PTK2: variants seen among roughly 807,000 people sequenced by gnomAD.
PTK2 encodes the protein protein tyrosine kinase 2, also known as focal adhesion kinase 1.
Under a neutral mutation model 150.1 loss-of-function variants are expected in PTK2, and 45 were observed. The observed-to-expected ratio is 0.30, with a 90% CI of 0.24 to 0.38. The LOEUF (loss-of-function observed/expected upper bound fraction) is 0.38. PTK2 is among the 10% of genes least tolerant of loss of function. PTK2 has a pLI of 1.00. For missense variants in PTK2, 919 were observed against 1,307.3 expected (o/e 0.70, Z 4.58); for synonymous variants, 432 against 449.2 (o/e 0.96, Z 0.48).
chr8:140,716,533 T>TCTG (rs1211151780), intron 23 of PTK2, among the ~76,000 whole-genome samples: 1 of 152,216 alleles, frequency 6.6e-6, no homozygotes, highest in East Asian at 1.9e-4. Flanking sequence ...TGAGGCACCC[T>TCTG]CTGTCTCTAA....
chr8:140,981,752 C>T (rs2100191515), intron 1 of PTK2, among the ~76,000 whole-genome samples: 2 of 152,150 alleles, frequency 1.3e-5, no homozygotes, highest in South Asian at 4.1e-4. Context: ...CACTGTACAG[C>T]AGAGCTGAGT....
intron 1 of PTK2, among the ~76,000 whole-genome samples, chr8:140,983,658 T>TGAAG (rs746413640): frequency 1.5e-4 from 19 of 124,156 alleles, no homozygotes; most frequent in Non-Finnish European, 1.9e-4. Context: ...GAGAGGGAAG[T>TGAAG]GAAGGAAGGA....
chr8:140,813,419 A>G (rs1336976540), intron 10 of PTK2, among the ~76,000 whole-genome samples: 1 of 151,894 alleles, frequency 6.6e-6, no homozygotes, highest in Non-Finnish European at 1.5e-5. Context: ...CAGCAAATGC[A>G]AAAGAACTGA....
chr8:140,819,848 T>C (rs750901174), intron 8 of PTK2, among the ~76,000 whole-genome samples: 1 of 152,028 alleles, frequency 6.6e-6, no homozygotes, highest in Non-Finnish European at 1.5e-5. Context: ...GTTTTCTACT[T>C]AAACACATGG....
At chr8:140,681,606 T>C (rs1010821065) in intron 27 of PTK2, among the ~76,000 whole-genome samples, 2 of 151,732 alleles carry the variant, frequency 1.3e-5, no homozygotes, top group East Asian at 3.9e-4. Context: ...TGAAACACCG[T>C]CTCTACTAAA....
chr8:140,984,058 G>A (rs984033160), intron 1 of PTK2: 12 of 154,504 alleles, frequency 7.8e-5, no homozygotes, highest in Non-Finnish European at 1.6e-4. Flanking sequence ...GGGAGGCTGA[G>A]GCAGGGCAAT....
At chr8:140,842,559 C>T (rs938619109) in intron 7 of PTK2, among the ~76,000 whole-genome samples, 5 of 152,006 alleles carry the variant, frequency 3.3e-5, no homozygotes, top group African/African-American at 9.7e-5. Flanking sequence ...TGGAAACAGA[C>T]ACCAAGAGCT....
chr8:140,912,715 C>T (rs1014059732), intron 2 of PTK2, among the ~76,000 whole-genome samples: 2 of 152,080 alleles, frequency 1.3e-5, no homozygotes, highest in African/African-American at 4.8e-5. Flanking sequence ...AACCCCAACA[C>T]TTTGGGAGGC....
intron 2 of PTK2, among the ~76,000 whole-genome samples, chr8:140,917,240 A>T (rs1278741456): frequency 1.3e-5 from 2 of 152,010 alleles, no homozygotes; most frequent in African/African-American, 4.8e-5. Context: ...AAAATACAAC[A>T]ATTAGCCAGG....
chr8:140,961,609 C>T (rs909669915), intron 1 of PTK2, among the ~76,000 whole-genome samples: 1 of 151,626 alleles, frequency 6.6e-6, no homozygotes, highest in Admixed American at 6.6e-5. Flanking sequence ...TTGCAGTGAG[C>T]CAAGGTCGCG....
chr8:140,786,466 A>G (rs1455171008), intron 14 of PTK2, among the ~76,000 whole-genome samples: 1 of 152,168 alleles, frequency 6.6e-6, no homozygotes, highest in East Asian at 1.9e-4. Context: ...TGTCCCTAGA[A>G]ATGTGAATTA....
At chr8:140,762,772 G>A (rs553983408) in intron 15 of PTK2, among the ~76,000 whole-genome samples, 2 of 148,622 alleles carry the variant, frequency 1.3e-5, no homozygotes, top group East Asian at 3.9e-4. Flanking sequence ...GTGTTTTGGT[G>A]TTTTTTTTTT....
intron 1 of PTK2, among the ~76,000 whole-genome samples, chr8:140,936,552 ATCTT>A (rs1168437130): frequency 1.3e-5 from 2 of 152,084 alleles, no homozygotes; most frequent in Non-Finnish European, 2.9e-5. Flanking sequence ...TTTCAGGGGC[ATCTT>A]TAGTTGCCCT....
chr8:140,766,697 C>A (rs533403463), intron 14 of PTK2, among the ~76,000 whole-genome samples: 1 of 152,248 alleles, frequency 6.6e-6, no homozygotes, highest in East Asian at 1.9e-4. Flanking sequence ...GAACGCTATA[C>A]CCCTAAGAAA....
At chr8:140,782,711 CAGAT>C (rs1425230540) in intron 14 of PTK2, among the ~76,000 whole-genome samples, 1 of 151,620 alleles carries the variant, frequency 6.6e-6, no homozygotes, top group Non-Finnish European at 1.5e-5. Flanking sequence ...CTTTCAGCAA[CAGAT>C]AGAGACTACC....
intron 14 of PTK2, among the ~76,000 whole-genome samples, chr8:140,776,102 C>A (rs1299966448): frequency 6.6e-6 from 1 of 152,216 alleles, no homozygotes; most frequent in South Asian, 2.1e-4. Context: ...CTCCCAGGTT[C>A]AAGTGATTCT....
intron 1 of PTK2, among the ~76,000 whole-genome samples, chr8:140,989,212 TAAAAA>T (rs71310816): frequency 3.3e-5 from 2 of 60,580 alleles, no homozygotes; most frequent in African/African-American, 6.6e-5. Flanking sequence ...ACCCTGTCTC[TAAAAA>T]AAAAAAAAAA....
At chr8:140,665,104 C>G in intron 30 of PTK2, 107 bp from the exon 35 acceptor site, 1 of 1,041,460 alleles carries the variant, frequency 9.6e-7, no homozygotes, top group Non-Finnish European at 1.4e-6. Flanking sequence ...AGGCAAATTT[C>G]TGTATTTCTT....
chr8:140,818,465 G>A, intron 9 of PTK2, 111 bp from the exon 10 acceptor site: 1 of 881,968 alleles, frequency 1.1e-6, no homozygotes, highest in Non-Finnish European at 1.8e-6. Flanking sequence ...GGTTTGGTTT[G>A]CTATTAATCT....
Sources: allele counts gnomAD v4.1 joint callset (sites outside exome capture counted in the v4.1 genomes callset), GRCh38; gene constraint gnomAD v4.1.1; transcripts MANE v1.5; gene names NCBI Gene and HGNC (gene_info 2026-07-23, HGNC 2026-07-21).